The following PCSK5 variants were observed in gnomAD, a reference collection of about 807,000 sequenced individuals.
The protein encoded by PCSK5 is prohormone convertase 5.
PCSK5 carries 129 observed loss-of-function variants against 233.2 expected under a neutral mutation model. That is an observed-to-expected ratio of 0.55 (90% CI 0.48 to 0.64). The LOEUF is 0.64. PCSK5 is among the 30% of genes least tolerant of loss of function. The pLI, the probability that PCSK5 is intolerant of heterozygous loss-of-function variation, is 0.00. For synonymous variants in PCSK5, 825 were observed against 879.2 expected (o/e 0.94, Z 1.09); for missense variants, 2,076 against 2,430.1 (o/e 0.85, Z 3.06).
At chr9:76,302,343 C>A in intron 28 of PCSK5, 126 bp downstream of exon 28, 1 of 346,536 alleles carries the variant, frequency 2.9e-6, no homozygotes. Flanking sequence ...ATGCAGAGGT[C>A]ATTAGAAAAA....
In PCSK5 at chr9:76,273,564, A is replaced by AATATATATATATAT. The variant is rs1336491411; in HGVS notation, c.3143-18658_3143-18657insTATATATATATATA. 4.2e-3 allele frequency among the ~76,000 whole-genome samples: 311 copies of AATATATATATATAT among 74,742 alleles called. 1 individual carries two copies. The highest frequency in any genetic ancestry group is 0.016 in the East Asian group (42 of 2,548). 49.0% of individuals were successfully genotyped at this position (74,742 alleles called of 152,430 possible). ...TCTTCTTATAGATTAACAAAATAGT[A>AATATATATATATAT]ATATATATATACATATATATATATA... On this transcript the variant is annotated intron_variant, in intron 24 of 37. Coordinates refer to ENST00000674117, the MANE Select transcript of PCSK5 (RefSeq NM_001372043.1).
intron 20 of PCSK5, among the ~76,000 whole-genome samples, chr9:76,219,631 G>A (rs1825657643): frequency 6.6e-6 from 1 of 152,158 alleles, no homozygotes; most frequent in Admixed American, 6.5e-5. Context: ...CAAAGAGAAA[G>A]GAAATGGCAC....
chr9:76,335,301 A>C (rs914634895), intron 34 of PCSK5, among the ~76,000 whole-genome samples: 1 of 152,196 alleles, frequency 6.6e-6, no homozygotes, highest in Non-Finnish European at 1.5e-5. Context: ...AAAGTTCCCC[A>C]GGGCTGGTGG....
intron 1 of PCSK5, among the ~76,000 whole-genome samples, chr9:75,913,091 T>C (rs988324451): frequency 2.0e-5 from 3 of 152,152 alleles, no homozygotes; most frequent in African/African-American, 4.8e-5. Flanking sequence ...GAGAGCCCAG[T>C]TGATTGGGTT....
chr9:76,069,324 A>C (rs1438203999), intron 6 of PCSK5, among the ~76,000 whole-genome samples: 3 of 152,062 alleles, frequency 2.0e-5, no homozygotes, highest in Admixed American at 2.0e-4. Flanking sequence ...TCTCGCATAC[A>C]CAGACACACA....
intron 9 of PCSK5, among the ~76,000 whole-genome samples, chr9:76,133,189 G>A (rs1324108824): frequency 6.6e-6 from 1 of 152,074 alleles, no homozygotes; most frequent in Non-Finnish European, 1.5e-5. Flanking sequence ...TGCACATGCT[G>A]CATGAAAATT....
At chr9:76,045,797 G>C (rs1453779339) in intron 5 of PCSK5, among the ~76,000 whole-genome samples, 1 of 152,182 alleles carries the variant, frequency 6.6e-6, no homozygotes, top group South Asian at 2.1e-4. Context: ...TTTAGATGTT[G>C]GGAGGAGATG....
At chr9:76,161,298 G>C (rs1237587086) in intron 12 of PCSK5, among the ~76,000 whole-genome samples, 1 of 152,128 alleles carries the variant, frequency 6.6e-6, no homozygotes, top group Non-Finnish European at 1.5e-5. Context: ...CAGACAAAGA[G>C]CCCTCAGCAG....
chr9:76,319,413 A>ATAAACATTATTC, intron 30 of PCSK5, among the ~76,000 whole-genome samples: 1 of 142,808 alleles, frequency 7.0e-6, no homozygotes, highest in Non-Finnish European at 1.6e-5. Context: ...AATCATTATT[A>ATAAACATTATTC]ATCATTAGCT....
intron 12 of PCSK5, among the ~76,000 whole-genome samples, chr9:76,159,568 T>C (rs1480390892): frequency 5.9e-5 from 9 of 152,196 alleles, no homozygotes; most frequent in Non-Finnish European, 1.3e-4. Flanking sequence ...AAATTCTAAT[T>C]TTTTAAAGCA....
chr9:75,994,556 G>C (rs1826929205), intron 3 of PCSK5, among the ~76,000 whole-genome samples: 3 of 151,462 alleles, frequency 2.0e-5, no homozygotes, highest in African/African-American at 7.3e-5. Flanking sequence ...TCCCGAAGCT[G>C]GGACTACAGA....
At chr9:76,150,326 A>G (rs1823617985) in intron 10 of PCSK5, among the ~76,000 whole-genome samples, 1 of 152,140 alleles carries the variant, frequency 6.6e-6, no homozygotes, top group African/African-American at 2.4e-5. Flanking sequence ...TAGGAAGAGC[A>G]AAGGAAAAAT....
intron 1 of PCSK5, among the ~76,000 whole-genome samples, chr9:75,901,754 T>C (rs915993519): frequency 6.6e-6 from 1 of 152,172 alleles, no homozygotes; most frequent in South Asian, 2.1e-4. Flanking sequence ...CAATTAATGA[T>C]TGATGACTAT....
chr9:75,991,263 A>G (rs1050711855), intron 3 of PCSK5, among the ~76,000 whole-genome samples: 1 of 152,024 alleles, frequency 6.6e-6, no homozygotes. Flanking sequence ...TCTTCTTAAA[A>G]CCAGATTTTT....
chr9:75,960,778 T>C (rs1167867713), intron 2 of PCSK5, among the ~76,000 whole-genome samples: 1 of 152,274 alleles, frequency 6.6e-6, no homozygotes, highest in East Asian at 1.9e-4. Flanking sequence ...GCTCAGTTCC[T>C]GAGAGGCTCT....
At chr9:76,276,586 G>C (rs563464624) in intron 24 of PCSK5, among the ~76,000 whole-genome samples, 1 of 152,250 alleles carries the variant, frequency 6.6e-6, no homozygotes, top group South Asian at 2.1e-4. Context: ...CCTGGCCTCT[G>C]TCTGGAACAC....
chr9:76,346,398 A>G (rs1829982201), intron 35 of PCSK5, among the ~76,000 whole-genome samples: 2 of 152,124 alleles, frequency 1.3e-5, no homozygotes, highest in South Asian at 2.1e-4. Flanking sequence ...TCATCCACAT[A>G]GTATCCTTGA....
chr9:75,908,286 G>C (rs950859915), intron 1 of PCSK5, among the ~76,000 whole-genome samples: 1 of 152,192 alleles, frequency 6.6e-6, no homozygotes, highest in African/African-American at 2.4e-5. Context: ...TTCAGGCTTG[G>C]GTAGATAGAG....
rs926623803 is a variant in PCSK5 at position 76,238,944 on chromosome 9, C to G, written c.2867-15C>G. The stretch of plus-strand genomic sequence containing the variant: ...GTACATTTTCCCTCTTTTCGTTGCC[C>G]CTGTAACTGATCAGACAACTATGGC... On this transcript the variant is annotated splice_polypyrimidine_tract_variant and intron_variant, in intron 22 of 37. Transcript: ENST00000674117. 3.1e-6 allele frequency: 5 copies of G among 1,595,538 alleles called. No homozygotes were observed. The highest frequency in any genetic ancestry group is 3.4e-6 in the Non-Finnish European group (4 of 1,165,226).
Sources: allele counts gnomAD v4.1 joint callset (sites outside exome capture counted in the v4.1 genomes callset), GRCh38; gene constraint gnomAD v4.1.1; transcripts MANE v1.5; gene names NCBI Gene and HGNC (gene_info 2026-07-23, HGNC 2026-07-21).